The following ABI3BP variants were observed in gnomAD, a reference collection of about 807,000 sequenced individuals.
The protein encoded by ABI3BP is ABI family member 3 binding protein, also known as target of Nesh-SH3.
In ABI3BP, 216 loss-of-function variants were observed where a neutral mutation model predicts 268.6. The ratio of observed to expected loss-of-function variants is 0.80; its 90% confidence interval spans 0.72 to 0.90. The LOEUF (loss-of-function observed/expected upper bound fraction) is 0.90. Among genes scored for constraint, ABI3BP ranks in the 40% least tolerant of loss-of-function variants. The pLI, the probability that ABI3BP is intolerant of heterozygous loss-of-function variation, is 0.00. For missense variants in ABI3BP, 2,090 were observed against 2,182.4 expected (o/e 0.96, Z 0.84); for synonymous variants, 730 against 730.0 (o/e 1.00, Z 0.00).
At chr3:100,940,017 C>T (rs759659216) in intron 1 of ABI3BP, among the ~76,000 whole-genome samples, 1 of 152,064 alleles carries the variant, frequency 6.6e-6, no homozygotes, top group Non-Finnish European at 1.5e-5. Flanking sequence ...TCTGTTCCGC[C>T]CGGCTCACCG....
chr3:100,823,324 A>G, intron 37 of ABI3BP, 134 bp downstream of exon 37: 1 of 707,686 alleles, frequency 1.4e-6, no homozygotes, highest in Non-Finnish European at 2.2e-6. Flanking sequence ...TAAAAACAAC[A>G]GTTAAGAGTC....
chr3:100,911,387 T>C lies in ABI3BP; in HGVS notation c.260-8701A>G, dbSNP rs556614979. ...TTCCCCTGAGGGTCTTTTTAGATAT[T>C]CTTCTCTCAGGCTGCCTGAATCTAT... is the stretch of plus-strand genomic sequence containing the variant. On this transcript the variant is annotated intron_variant, in intron 2 of 67. Transcript: ENST00000471714. The C allele has an allele frequency of 3.5e-4, 91 of 263,404 alleles. 1 individual carries two copies. The South Asian group carries it at 4.9e-3, about 14-fold the overall frequency. The allele number at this position is 263,404 out of a possible 1,614,324, so 16.3% of individuals were successfully genotyped here. A position where few individuals can be genotyped will look rare whatever the true frequency, so the allele number is the denominator to read the frequency against.
At position 100,894,965 on chromosome 3, in the gene ABI3BP, A is replaced by AAAAAAAAAAAAAAAAAAAAAAAAAAAC. The variant is rs760156604; in HGVS notation, c.461+3796_461+3797insGTTTTTTTTTTTTTTTTTTTTTTTTTT. 7.9e-4 allele frequency among the ~76,000 whole-genome samples: 95 copies of AAAAAAAAAAAAAAAAAAAAAAAAAAAC among 120,834 alleles called. 3 individuals are homozygous for AAAAAAAAAAAAAAAAAAAAAAAAAAAC. Among genetic ancestry groups the AAAAAAAAAAAAAAAAAAAAAAAAAAAC allele is most frequent in the Middle Eastern group, 4.7e-3 (1 of 212 alleles). 79.3% of individuals were successfully genotyped at this position (120,834 alleles called of 152,430 possible). A position where few individuals can be genotyped will look rare whatever the true frequency, so the allele number is the denominator to read the frequency against. ...AAAAAAAAAAAAAAAAAAAAAAAAA[A>AAAAAAAAAAAAAAAAAAAAAAAAAAAC]AACAGAAAAAAAAAACACAAGATGA... On this transcript the variant is annotated intron_variant, in intron 4 of 67. Transcript: ENST00000471714.
intron 4 of ABI3BP, among the ~76,000 whole-genome samples, chr3:100,894,278 G>A (rs117449421): frequency 7.6e-4 from 116 of 152,324 alleles, no homozygotes; most frequent in African/African-American, 2.7e-3. Context: ...AGAGACAAGT[G>A]AGGTGATATT....
chr3:100,749,809 G>GTA lies in ABI3BP; in HGVS notation c.*684_*685dup. 1 of 397,524 alleles carries GTA rather than the reference G, an allele frequency of 2.5e-6. No individual in the cohort carries two copies. Among genetic ancestry groups the GTA allele is most frequent in the East Asian group, 3.6e-5 (1 of 27,932 alleles). 24.6% of individuals were successfully genotyped at this position (397,524 alleles called of 1,614,324 possible). ...TGTAACATTTATGGTGGGTAAAAAT[G>GTA]TATCTTTTGAAACAATATATTAGAC... On this transcript the variant is annotated 3_prime_UTR_variant, in exon 68 of 68. Transcript: ENST00000471714.
chr3:100,964,060 G>A (rs1378908155), intron 1 of ABI3BP, among the ~76,000 whole-genome samples: 3 of 152,128 alleles, frequency 2.0e-5, no homozygotes, highest in Non-Finnish European at 4.4e-5. Context: ...TAAGGGTATG[G>A]GAGTCCTCGG....
Position 100,825,776 on chromosome 3 carries a change from G to A in ABI3BP, c.2662+9C>T, listed in dbSNP as rs779851443. The A allele has an allele frequency of 4.6e-6, 7 of 1,532,960 alleles. No homozygotes were observed. In the African/African-American group the frequency reaches 6.9e-5, roughly 15 times the overall value. 95.0% of individuals were successfully genotyped at this position (1,532,960 alleles called of 1,614,324 possible). ...TTGGCAAACAGCCAGGTAATTGTAG[G>A]GTCGTTACCTAAGGTTGTTGCAGGG... On this transcript the variant is annotated intron_variant, in intron 35 of 67. Transcript: ENST00000471714.
intron 9 of ABI3BP, among the ~76,000 whole-genome samples, chr3:100,867,536 G>C (rs552773922): frequency 2.2e-3 from 332 of 150,594 alleles, no homozygotes; most frequent in Non-Finnish European, 3.9e-3. Context: ...AGCTACTCTG[G>C]AGGCTGAGGC....
intron 41 of ABI3BP, 62 bp from the exon 42 acceptor site, chr3:100,817,557 A>G (rs2098094749): frequency 7.9e-7 from 1 of 1,259,828 alleles, no homozygotes; most frequent in Non-Finnish European, 1.1e-6. Context: ...TCACAGTTCA[A>G]TTTTTAAGCT....
At chr3:100,928,918 T>G (rs1021198064) in intron 1 of ABI3BP, among the ~76,000 whole-genome samples, 2 of 152,076 alleles carry the variant, frequency 1.3e-5, no homozygotes, top group Admixed American at 6.6e-5. Context: ...GTGTTTTGTG[T>G]GAACTTTGCC....
intron 1 of ABI3BP, among the ~76,000 whole-genome samples, chr3:100,961,789 C>T (rs567310169): frequency 5.3e-5 from 8 of 152,214 alleles, no homozygotes; most frequent in Non-Finnish European, 1.2e-4. Context: ...TCACCACACT[C>T]TTAGACATCA....
intron 44 of ABI3BP, among the ~76,000 whole-genome samples, chr3:100,814,393 C>G (rs77145495): frequency 0.14 from 21,204 of 152,026 alleles, 1,918 homozygotes; most frequent in South Asian, 0.27. Flanking sequence ...ATCCCCTTAG[C>G]CACCATTGAC....
chr3:100,752,667 A>C, intron 66 of ABI3BP, 120 bp downstream of exon 66: 1 of 1,070,292 alleles, frequency 9.3e-7, no homozygotes, highest in Non-Finnish European at 1.3e-6. Flanking sequence ...GCTCAGAGGA[A>C]AACTTGTGTT....
chr3:100,821,666 G>A (rs564202391), intron 38 of ABI3BP, among the ~76,000 whole-genome samples: 1 of 147,210 alleles, frequency 6.8e-6, no homozygotes, highest in African/African-American at 2.5e-5. Context: ...GCAGTGGCGC[G>A]ATCTCGGCTC....
At chr3:100,912,621 T>C (rs2713784) in intron 2 of ABI3BP, among the ~76,000 whole-genome samples, 150,037 of 152,254 alleles carry the variant, frequency 0.99, 73,956 homozygotes, top group East Asian at 1. Flanking sequence ...CTGTAAGTGC[T>C]CACAAGCCAC....
At position 100,796,433 on chromosome 3, in the gene ABI3BP, G is replaced by A; in HGVS notation, c.3793C>T (p.Pro1265Ser). The A allele has an allele frequency of 1.2e-6, 2 of 1,600,218 alleles. No homozygotes were observed. Among genetic ancestry groups the A allele is most frequent in the African/African-American group, 2.7e-5 (2 of 74,330 alleles). ...CCAGGTTCGCTCTGAGAGACCTCAG[G>A]GTATGGTTTATGAGGAAGGAGCACA... ...KDVLLPHKPY[P>S]EVSQSEPVLQ... Residue 1265 changes from proline to serine, a missense_variant, in exon 52 of 68, where the codon CCT becomes TCT. Pro to Ser is a moderately conservative substitution (Grantham distance 74, BLOSUM62 -1). Transcript: ENST00000471714.
At chr3:100,752,642 T>C (rs971343721) in intron 66 of ABI3BP, 145 bp downstream of exon 66, 8 of 760,590 alleles carry the variant, frequency 1.1e-5, no homozygotes, top group Non-Finnish European at 1.7e-5. Context: ...ATGATAACTG[T>C]TTCCGTAACA....
At chr3:100,832,885 G>C (rs555033424) in intron 30 of ABI3BP, among the ~76,000 whole-genome samples, 2 of 152,150 alleles carry the variant, frequency 1.3e-5, no homozygotes, top group Non-Finnish European at 2.9e-5. Context: ...TTGGATCTTG[G>C]CTCTAAGAGT....
At chr3:100,965,617 C>T (rs543333338) in intron 1 of ABI3BP, among the ~76,000 whole-genome samples, 4 of 152,028 alleles carry the variant, frequency 2.6e-5, no homozygotes, top group African/African-American at 9.6e-5. Context: ...GAGAAACTTC[C>T]GTGTACCAGG....
Sources: gnomAD v4.1 joint callset for allele counts (sites outside exome capture counted in the v4.1 genomes callset) on GRCh38, gnomAD v4.1.1 for gene constraint, MANE v1.5 for transcripts, NCBI Gene and HGNC (gene_info 2026-07-23, HGNC 2026-07-21) for gene names.